Variants in SCN4A observed in about 807,000 individuals in gnomAD.
SCN4A encodes the protein sodium channel protein type 4 subunit alpha.
In SCN4A, 83 loss-of-function variants were observed where a neutral mutation model predicts 162.0. The ratio of observed to expected loss-of-function variants is 0.51; its 90% CI spans 0.43 to 0.61. The LOEUF (loss-of-function observed/expected upper bound fraction) is 0.61, where lower values mean the gene tolerates loss of function less well. Among genes scored for constraint, SCN4A ranks in the 20% least tolerant of loss-of-function variants. The pLI is 0.00. For synonymous variants in SCN4A, 944 were observed against 985.1 expected (o/e 0.96, Z 0.78); for missense variants, 2,196 against 2,462.5 (o/e 0.89, Z 2.29).
intron 11 of SCN4A, among the ~76,000 whole-genome samples, chr17:63,959,659 C>A (rs1335439644): frequency 6.6e-6 from 1 of 152,200 alleles, no homozygotes; most frequent in Non-Finnish European, 1.5e-5. Flanking sequence ...AACTCTGAGA[C>A]CCGTTCCCAT....
In SCN4A at chr17:63,941,569, G is replaced by A; in HGVS notation, c.4713C>T (p.Pro1571=). 2 of 1,614,150 alleles carry A rather than the reference G, an allele frequency of 1.2e-6. No individual in the cohort carries two copies. Among genetic ancestry groups the A allele is most frequent in the Non-Finnish European group, 1.7e-6 (2 of 1,180,018 alleles). The change falls in exon 24 of 24, where the codon CCC becomes CCT. Residue 1571 remains proline, a synonymous_variant. Transcript: ENST00000435607. The surrounding 1 kb of genome is among the most constrained non-coding windows in gnomAD (Gnocchi z 6.2). The part of the protein sequence containing the change: ...GTSVKGDCGN[P]SIGICFFCSY... ...TGCAGAAGAAGCAGATGCCGATGGA[G>A]GGGTTGCCGCAGTCACCCTTGACAC...
rs1201830428 is a variant in SCN4A at position 63,942,826 on chromosome 17, C to T, written c.4288G>A (p.Gly1430Ser). The change falls in exon 23 of 24, where the codon GGC becomes AGC. Residue 1430 changes from glycine to serine, a missense_variant and splice_region_variant. By Grantham distance (56) the Gly-to-Ser change is moderately conservative. Transcript: ENST00000435607. ...TGCCGGTCCAGCCCGCCCCGCTCAC[C>T]CACAATGGACAGGATGACGACCACG... ...DFVVVILSIV[G>S]LALSDLIQKY... The T allele has an allele frequency of 6.2e-7, 1 of 1,612,868 alleles. No homozygotes were observed. The highest frequency in any genetic ancestry group is 1.1e-5 in the South Asian group (1 of 91,042).
intron 22 of SCN4A, 24 bp downstream of exon 22, chr17:63,943,722 G>C (rs897413484): frequency 6.8e-7 from 1 of 1,467,754 alleles, no homozygotes; most frequent in Admixed American, 1.7e-5. Flanking sequence ...GCACACACAG[G>C]ACAGGGGGCC....
chr17:63,960,986 C>T (rs1268632707), intron 11 of SCN4A, among the ~76,000 whole-genome samples: 2 of 150,770 alleles, frequency 1.3e-5, no homozygotes, highest in Non-Finnish European at 2.9e-5. Flanking sequence ...CCCTAAATGT[C>T]CTGAAACCCC....
Position 63,971,187 on chromosome 17 carries a change from G to A in SCN4A, c.678C>T (p.Ala226=), listed in dbSNP as rs1177560929. 5 of 1,564,010 alleles carry A rather than the reference G, an allele frequency of 3.2e-6. No individual in the cohort carries two copies. Among genetic ancestry groups the A allele is most frequent in the Non-Finnish European group, 3.5e-6 (4 of 1,153,324 alleles). Residue 226 remains alanine, a synonymous_variant, in exon 5 of 24, where the codon GCC becomes GCT. Coordinates refer to ENST00000435607, the MANE Select transcript of SCN4A (RefSeq NM_000334.4). ...CTGGGATGACCGTGATGGTTTTGAGGGCCCGCAGCACCCGGAAGGTCCTCA... is the reference window on the plus strand; with the variant it reads ...CTGGGATGACCGTGATGGTTTTGAGAGCCCGCAGCACCCGGAAGGTCCTCA... The part of the protein sequence containing the change: ...SALRTFRVLR[A]LKTITVIPGL...
chr17:63,952,649 C>G (rs1031406564), intron 13 of SCN4A, among the ~76,000 whole-genome samples: 7 of 152,174 alleles, frequency 4.6e-5, no homozygotes, highest in African/African-American at 1.7e-4. Context: ...GAAGGGACAT[C>G]TGACCTACTA....
At chr17:63,943,898 G>A in intron 21 of SCN4A, 48 bp from the exon 22 acceptor site, 1 of 1,270,580 alleles carries the variant, frequency 7.9e-7, no homozygotes, top group Non-Finnish European at 1.1e-6. Context: ...TCCCCTTCCT[G>A]CCTCCAGGAC....
chr17:63,942,513 C>T (rs1019414192), intron 23 of SCN4A, among the ~76,000 whole-genome samples: 3 of 152,240 alleles, frequency 2.0e-5, no homozygotes, highest in Non-Finnish European at 2.9e-5. Context: ...CATAAGCACA[C>T]GCATGACTGT....
rs757535286 is a variant in SCN4A at position 63,972,501 on chromosome 17, GGACA to G, written c.274-35_274-32del. The G allele has an allele frequency of 3.7e-6, 6 of 1,609,508 alleles. No homozygotes were observed. Among genetic ancestry groups the G allele is most frequent in the African/African-American group, 2.7e-5 (2 of 74,820 alleles). ...GTGGGAGAGAGGCTGTGAGACCCAG[GGACA>G]GACAGACAGGCAGACAGATGGATGG... On this transcript the variant is annotated intron_variant, in intron 1 of 23. Coordinates refer to ENST00000435607, the MANE Select transcript of SCN4A (RefSeq NM_000334.4). This position sits in a 1 kb window ranked among gnomAD's most constrained non-coding sequence, Gnocchi z 4.3.
Position 63,940,466 on chromosome 17 carries a change from C to T in SCN4A, c.*305G>A. 3 of 375,382 alleles carry T rather than the reference C, an allele frequency of 8.0e-6. No individual in the cohort carries two copies. The highest frequency in any genetic ancestry group is 1.4e-5 in the Non-Finnish European group (3 of 208,886). The allele number at this position is 375,382 out of a possible 1,614,324, so 23.3% of individuals were successfully genotyped here. A position where few individuals can be genotyped will look rare whatever the true frequency, so the allele number is the denominator to read the frequency against. ...GGCAGAGATTCGAATGTTCTGACCT[C>T]CCCCAGGCCAAAAGGAGGGGCGACA... On this transcript the variant is annotated 3_prime_UTR_variant, in exon 24 of 24. Transcript: ENST00000435607.
In SCN4A at chr17:63,963,676, C is replaced by T. The variant is rs772275347; in HGVS notation, c.1602G>A (p.Met534Ile). The change falls in exon 10 of 24, where the codon ATG becomes ATA. Residue 534 changes from methionine to isoleucine, a missense_variant. Transcript: ENST00000435607. ...ACGGGGGCACAAGGCACTCACCTTC[C>T]ATGGCGTCGGAGATGCCGCTGTCTC... ...SSGDSGISDA[M>I]EELEEAHQKC... The T allele has an allele frequency of 1.8e-5, 29 of 1,576,370 alleles. No homozygotes were observed. In the South Asian group the frequency reaches 3.2e-4, roughly 17 times the overall value.
At chr17:63,965,910 T>A (rs1909426230) in intron 8 of SCN4A, among the ~76,000 whole-genome samples, 192 bp downstream of exon 8, 1 of 152,218 alleles carries the variant, frequency 6.6e-6, no homozygotes, top group South Asian at 2.1e-4. Context: ...ATTAAAGCTG[T>A]GGCTTGGCTC....
intron 15 of SCN4A, 44 bp from the exon 16 acceptor site, chr17:63,948,809 C>T: frequency 6.5e-7 from 1 of 1,540,160 alleles, no homozygotes; most frequent in Non-Finnish European, 8.8e-7. Flanking sequence ...ACATCATGGG[C>T]CTGGGGTTGC....
In SCN4A at chr17:63,944,916, C is replaced by T. The variant is rs868420665; in HGVS notation, c.3774+91G>A. 33 of 1,588,440 alleles carry T rather than the reference C, an allele frequency of 2.1e-5. No individual in the cohort carries two copies. The African/African-American group carries it at 3.0e-4, about 14-fold the overall frequency. ...ATCCACCCCCAGGGCTGCCAAGTCT[C>T]GGGGACAGAACGTGCTGCCAAGTCT... On this transcript the variant is annotated intron_variant, in intron 20 of 23. Transcript: ENST00000435607. The surrounding 1 kb of genome is among the most constrained non-coding windows in gnomAD (Gnocchi z 4.3).
intron 16 of SCN4A, 24 bp downstream of exon 16, chr17:63,948,587 C>A: frequency 1.2e-6 from 2 of 1,607,040 alleles, no homozygotes; most frequent in Non-Finnish European, 1.7e-6. Flanking sequence ...CTGCCCCTGA[C>A]CCGTGCTCCC....
rs775600870 is a variant in SCN4A at position 63,941,126 on chromosome 17, G to T, written c.5156C>A (p.Thr1719Asn). The T allele has an allele frequency of 3.7e-6, 6 of 1,613,940 alleles. No individual in the cohort carries two copies. The highest frequency in any genetic ancestry group is 4.2e-6 in the Non-Finnish European group (5 of 1,179,874). ...CTCGTGCTTCCTCTTGAGGGTGGTG[G>T]TGATGGGCTCGTAGGACACCTTGGA... ...NPSKVSYEPI[T>N]TTLKRKHEEV... Residue 1719 changes from threonine to asparagine, a missense_variant, in exon 24 of 24, where the codon ACC becomes AAC. Thr to Asn is a moderately conservative substitution (Grantham distance 65). Coordinates refer to ENST00000435607, the MANE Select transcript of SCN4A (RefSeq NM_000334.4). The surrounding 1 kb of genome is among the most constrained non-coding windows in gnomAD (Gnocchi z 6.2).
chr17:63,970,101 T>C (rs1909569806), intron 5 of SCN4A, among the ~76,000 whole-genome samples: 1 of 152,212 alleles, frequency 6.6e-6, no homozygotes, highest in African/African-American at 2.4e-5. Context: ...TTCATGCTTG[T>C]TGATGCATTA....
At position 63,972,909 on chromosome 17, in the gene SCN4A, G is replaced by A. The variant is rs374438768; in HGVS notation, c.-68C>T. 156 of 1,482,088 alleles carry A rather than the reference G, an allele frequency of 1.1e-4. No homozygotes were observed. In the South Asian group the frequency reaches 1.9e-3, roughly 18 times the overall value. The allele number at this position is 1,482,088 out of a possible 1,614,324, so 91.8% of individuals were successfully genotyped here. A position where few individuals can be genotyped will look rare whatever the true frequency, so the allele number is the denominator to read the frequency against. Reference sequence around the variant, plus strand: ...CTGGGGAGCTGCAGTGCGCAGCCCCGGGGTGCTGGGCGGCCGCCCCTCCCT... The same window carrying A: ...CTGGGGAGCTGCAGTGCGCAGCCCCAGGGTGCTGGGCGGCCGCCCCTCCCT... On this transcript the variant is annotated 5_prime_UTR_variant, in exon 1 of 24. Transcript: ENST00000435607. This position sits in a 1 kb window ranked among gnomAD's most constrained non-coding sequence, Gnocchi z 4.3.
At chr17:63,943,935 C>G in intron 21 of SCN4A, 85 bp from the exon 22 acceptor site, 1 of 814,012 alleles carries the variant, frequency 1.2e-6, no homozygotes, top group South Asian at 1.4e-5. Flanking sequence ...GGGCACCTCA[C>G]CTTTAAGGCA....
Sources: allele counts gnomAD v4.1 joint callset (sites outside exome capture counted in the v4.1 genomes callset), GRCh38; gene constraint gnomAD v4.1.1; non-coding constraint Gnocchi (gnomAD v3.1); transcripts MANE v1.5; gene names NCBI Gene and HGNC (gene_info 2026-07-23, HGNC 2026-07-21).